The following MED27 variants were observed in gnomAD, a reference collection of about 807,000 sequenced individuals.
The protein encoded by MED27 is mediator of RNA polymerase II transcription subunit 27.
MED27 carries 30 observed loss-of-function variants against 38.2 expected under a neutral mutation model. The observed-to-expected ratio is 0.79, with a 90% CI of 0.59 to 1.07. The LOEUF (loss-of-function observed/expected upper bound fraction) is 1.07, where lower values mean the gene tolerates loss of function less well. Ranked by LOEUF, MED27 falls within the 50% of genes least tolerant of loss-of-function variation. The pLI is 0.00. For synonymous variants in MED27, 122 were observed against 153.5 expected (o/e 0.79, Z 1.52); for missense variants, 289 against 397.5 (o/e 0.73, Z 2.32).
chr9:132,024,048 A>G (rs1832768758), intron 2 of MED27, among the ~76,000 whole-genome samples: 1 of 152,128 alleles, frequency 6.6e-6, no homozygotes, highest in African/African-American at 2.4e-5. Flanking sequence ...AAAGGCTGAC[A>G]CTCTGGAGGC....
At chr9:131,988,209 T>TGGGC (rs2131037569) in intron 3 of MED27, among the ~76,000 whole-genome samples, 1 of 152,330 alleles carries the variant, frequency 6.6e-6, no homozygotes, top group Admixed American at 6.5e-5. Flanking sequence ...TATTGAGAAA[T>TGGGC]AGTTTTTGTT....
chr9:131,924,720 G>A (rs1331257140), intron 4 of MED27, among the ~76,000 whole-genome samples: 2 of 152,168 alleles, frequency 1.3e-5, no homozygotes, highest in Non-Finnish European at 2.9e-5. Context: ...AATGATACAG[G>A]TTTTAGGGTA....
intron 4 of MED27, among the ~76,000 whole-genome samples, chr9:131,936,745 C>G (rs535306258): frequency 9.8e-5 from 15 of 152,346 alleles, no homozygotes; most frequent in Non-Finnish European, 1.3e-4. Flanking sequence ...CACCTGGCAC[C>G]ATCAAACAGC....
intron 2 of MED27, among the ~76,000 whole-genome samples, chr9:132,019,428 C>T (rs1186068282): frequency 6.6e-6 from 1 of 152,192 alleles, no homozygotes; most frequent in Non-Finnish European, 1.5e-5. Context: ...TGCTCACTGT[C>T]AAGATAGAAC....
chr9:131,864,797 T>G (rs983721474), intron 6 of MED27, among the ~76,000 whole-genome samples: 4 of 152,234 alleles, frequency 2.6e-5, no homozygotes, highest in African/African-American at 9.6e-5. Flanking sequence ...TGGGGGCCTC[T>G]CTAAGCCTCA....
At chr9:131,903,321 T>A (rs1829988811) in intron 4 of MED27, among the ~76,000 whole-genome samples, 1 of 152,198 alleles carries the variant, frequency 6.6e-6, no homozygotes, top group African/African-American at 2.4e-5. Context: ...CTCATTATCA[T>A]GAGAACGGCA....
intron 2 of MED27, among the ~76,000 whole-genome samples, chr9:132,064,287 G>T (rs753076660): frequency 7.2e-5 from 11 of 152,166 alleles, no homozygotes; most frequent in Non-Finnish European, 1.6e-4. Flanking sequence ...TGAAGTCAGG[G>T]AATAAGGCCG....
At chr9:131,986,873 G>A (rs966356941) in intron 3 of MED27, among the ~76,000 whole-genome samples, 1 of 152,072 alleles carries the variant, frequency 6.6e-6, no homozygotes, top group African/African-American at 2.4e-5. Context: ...GGTTTGGCAC[G>A]TAACAGGCAG....
In MED27 at chr9:132,047,971, C is replaced by T. The variant is rs141200909; in HGVS notation, c.348+29471G>A. Reference sequence around the variant, plus strand: ...AGTGTTCCATTATTGGAACACTAAGCATGTGGGAGTTATTTATATCCTACT... The same window carrying T: ...AGTGTTCCATTATTGGAACACTAAGTATGTGGGAGTTATTTATATCCTACT... On this transcript the variant is annotated intron_variant, in intron 2 of 7. Transcript: ENST00000292035. Among the ~76,000 whole-genome samples the T allele has an allele frequency of 9.2e-5, 14 of 152,150 alleles. No homozygotes were observed. The East Asian group carries it at 2.7e-3, about 29-fold the overall frequency.
chr9:132,011,412 C>T (rs1832485210), intron 3 of MED27, among the ~76,000 whole-genome samples: 1 of 152,060 alleles, frequency 6.6e-6, no homozygotes, highest in South Asian at 2.1e-4. Flanking sequence ...TATTTCCTAG[C>T]TTAAAAAAGA....
At chr9:132,027,497 C>T (rs1042397342) in intron 2 of MED27, among the ~76,000 whole-genome samples, 3 of 152,256 alleles carry the variant, frequency 2.0e-5, no homozygotes, top group Non-Finnish European at 4.4e-5. Flanking sequence ...CGTGTGCACA[C>T]ACCTTTTCAC....
chr9:131,880,572 C>A (rs1294209937), intron 6 of MED27, among the ~76,000 whole-genome samples: 1 of 152,204 alleles, frequency 6.6e-6, no homozygotes, highest in African/African-American at 2.4e-5. Flanking sequence ...ACATGATATG[C>A]CACTCACCAG....
intron 6 of MED27, among the ~76,000 whole-genome samples, chr9:131,874,575 G>A (rs1007122012): frequency 1.3e-5 from 2 of 152,146 alleles, no homozygotes; most frequent in Non-Finnish European, 2.9e-5. Flanking sequence ...AAGCAGAGGT[G>A]GACACTGCCT....
intron 4 of MED27, among the ~76,000 whole-genome samples, chr9:131,926,559 T>G (rs1255817858): frequency 6.6e-6 from 1 of 152,246 alleles, no homozygotes; most frequent in Non-Finnish European, 1.5e-5. Context: ...CTGTACTGCC[T>G]GTCAAGAATG....
At chr9:132,008,945 A>C (rs1051745128) in intron 3 of MED27, among the ~76,000 whole-genome samples, 1 of 152,208 alleles carries the variant, frequency 6.6e-6, no homozygotes, top group East Asian at 1.9e-4. Flanking sequence ...TCAATGAAAT[A>C]AGGCCCCCAT....
intron 6 of MED27, among the ~76,000 whole-genome samples, chr9:131,882,150 C>A (rs888698569): frequency 2.6e-5 from 4 of 152,086 alleles, no homozygotes; most frequent in Non-Finnish European, 5.9e-5. Context: ...TATATAGGTT[C>A]CCTAAATGTG....
chr9:132,078,896 T>A (rs1231823467), intron 1 of MED27, among the ~76,000 whole-genome samples: 1 of 152,236 alleles, frequency 6.6e-6, no homozygotes, highest in Non-Finnish European at 1.5e-5. Context: ...TCCTCTCATT[T>A]AATTCTTACA....
intron 4 of MED27, among the ~76,000 whole-genome samples, chr9:131,903,881 CCA>C (rs1829999919): frequency 6.8e-6 from 1 of 146,146 alleles, no homozygotes; most frequent in Non-Finnish European, 1.5e-5. Flanking sequence ...GCATGCGCCA[CCA>C]CACACAGCTT....
At chr9:132,075,465 C>T (rs1176532422) in intron 2 of MED27, among the ~76,000 whole-genome samples, 4 of 152,278 alleles carry the variant, frequency 2.6e-5, no homozygotes, top group Admixed American at 6.5e-5. Context: ...TAAATGCATA[C>T]GGATATTTTT....
Sources: gnomAD v4.1 joint callset for allele counts (sites outside exome capture counted in the v4.1 genomes callset) on GRCh38, gnomAD v4.1.1 for gene constraint, MANE v1.5 for transcripts, NCBI Gene and HGNC (gene_info 2026-07-23, HGNC 2026-07-21) for gene names.